ST8SIA4: variants seen among roughly 807,000 people sequenced by gnomAD.
ST8SIA4 encodes the protein CMP-N-acetylneuraminate-poly-alpha-2,8-sialyltransferase.
A neutral mutation model predicts 33.9 loss-of-function variants in ST8SIA4; 15 were observed. The observed-to-expected ratio is 0.44, with a 90% CI of 0.30 to 0.68. The LOEUF (loss-of-function observed/expected upper bound fraction) is 0.68, where lower values mean the gene tolerates loss of function less well. Among genes scored for constraint, ST8SIA4 ranks in the 30% least tolerant of loss-of-function variants. The probability of loss-of-function intolerance (pLI) is 0.10; values close to 1 mark genes in which losing one functional copy is unlikely to be tolerated. For missense variants in ST8SIA4, 321 were observed against 428.0 expected (o/e 0.75, Z 2.21); for synonymous variants, 171 against 151.2 (o/e 1.13, Z -0.96).
chr5:100,872,088 C>T (rs1752208371), intron 3 of ST8SIA4, among the ~76,000 whole-genome samples: 1 of 151,948 alleles, frequency 6.6e-6, no homozygotes, highest in African/African-American at 2.4e-5. Context: ...TTTCTCAACT[C>T]CTACATTAAT....
intron 4 of ST8SIA4, among the ~76,000 whole-genome samples, chr5:100,831,381 C>T (rs1751255848): frequency 6.6e-6 from 1 of 152,130 alleles, no homozygotes; most frequent in African/African-American, 2.4e-5. Flanking sequence ...TCAAGACAAT[C>T]TCCAAAATGT....
At chr5:100,866,047 C>G (rs1000330015) in intron 3 of ST8SIA4, among the ~76,000 whole-genome samples, 1 of 152,094 alleles carries the variant, frequency 6.6e-6, no homozygotes, top group Non-Finnish European at 1.5e-5. Context: ...GACACATGGG[C>G]CTGGCCAATA....
chr5:100,813,643 T>G (rs1391907514), intron 4 of ST8SIA4, among the ~76,000 whole-genome samples: 1 of 152,002 alleles, frequency 6.6e-6, no homozygotes, highest in Non-Finnish European at 1.5e-5. Context: ...ATAGTCAAAC[T>G]TCTTTGAAGG....
Position 100,811,168 on chromosome 5 carries a change from CA to C in ST8SIA4, c.*678del, listed in dbSNP as rs5869925. Reference sequence around the variant, plus strand: ...CTCCAGCCTGGGCAACAGAGCGAGACAAAAAAAAAAAAAAAAGTCTTTGTGT... The same window carrying C: ...CTCCAGCCTGGGCAACAGAGCGAGACAAAAAAAAAAAAAAAGTCTTTGTGT... On this transcript the variant is annotated 3_prime_UTR_variant, in exon 5 of 5. Transcript: ENST00000231461. 0.84 allele frequency: 101,717 copies of C among 120,404 alleles called. 42,388 individuals are homozygous for C. The highest frequency in any genetic ancestry group is 0.92 in the South Asian group (3,372 of 3,650). The allele number at this position is 120,404 out of a possible 1,614,324, so 7.5% of individuals were successfully genotyped here.
Position 100,903,218 on chromosome 5 carries a change from T to G in ST8SIA4, c.-263A>C. 2.2e-6 allele frequency: 1 copy of G among 462,876 alleles called. No homozygotes were observed. The highest frequency in any genetic ancestry group is 2.0e-5 in the African/African-American group (1 of 50,046). 28.7% of individuals were successfully genotyped at this position (462,876 alleles called of 1,614,324 possible). A position where few individuals can be genotyped will look rare whatever the true frequency, so the allele number is the denominator to read the frequency against. On this transcript the variant is annotated 5_prime_UTR_variant, in exon 1 of 5. Coordinates refer to ENST00000231461, the MANE Select transcript of ST8SIA4 (RefSeq NM_005668.6). ...CCGCCTCCCTGGGGCTCAGGTTTCT[T>G]TTCAGATGAGACACCTTGTGCATTG...
chr5:100,885,432 T>C, intron 3 of ST8SIA4: 1 of 937,820 alleles, frequency 1.1e-6, no homozygotes, highest in Non-Finnish European at 1.3e-6. Flanking sequence ...TTTAAGACTT[T>C]ATTTAAAAAT....
intron 3 of ST8SIA4, among the ~76,000 whole-genome samples, chr5:100,862,099 C>G (rs1751959038): frequency 6.6e-6 from 1 of 152,154 alleles, no homozygotes; most frequent in Admixed American, 6.5e-5. Flanking sequence ...TTTAGTAAGC[C>G]ATTGTGGCTG....
chr5:100,884,152 G>T (rs192062377), intron 3 of ST8SIA4, among the ~76,000 whole-genome samples: 2 of 152,190 alleles, frequency 1.3e-5, no homozygotes, highest in Non-Finnish European at 2.9e-5. Context: ...ATTGAAATTG[G>T]AGTGCATTAA....
intron 4 of ST8SIA4, among the ~76,000 whole-genome samples, chr5:100,825,789 G>C (rs903964230): frequency 3.3e-5 from 5 of 152,158 alleles, no homozygotes; most frequent in Non-Finnish European, 5.9e-5. Flanking sequence ...GTCTTAGGTA[G>C]ATATTTTTGT....
rs1449028035 is a variant in ST8SIA4, at chr5:100,837,033, G to A, written c.797+19070C>T. Among the ~76,000 whole-genome samples, 5 of 140,002 alleles carry A rather than the reference G, an allele frequency of 3.6e-5. No individual in the cohort carries two copies. The East Asian group carries it at 8.2e-4, about 23-fold the overall frequency. The allele number at this position is 140,002 out of a possible 152,430, so 91.8% of individuals were successfully genotyped here. ...ACACACACACACACACACACACACC[G>A]TAATACCTGAGGGAAATAAGATACC... On this transcript the variant is annotated intron_variant, in intron 4 of 4. Transcript: ENST00000231461.
chr5:100,836,854 TC>T (rs1248907759), intron 4 of ST8SIA4, among the ~76,000 whole-genome samples: 1 of 152,038 alleles, frequency 6.6e-6, no homozygotes, highest in African/African-American at 2.4e-5. Context: ...TTGCTACTGT[TC>T]CGTACTGACG....
intron 4 of ST8SIA4, among the ~76,000 whole-genome samples, chr5:100,841,936 T>A (rs1751479341): frequency 6.6e-6 from 1 of 151,872 alleles, no homozygotes; most frequent in South Asian, 2.1e-4. Flanking sequence ...CCAAGCTGGT[T>A]TTGTTGCTTG....
chr5:100,875,074 T>C (rs928331111), intron 3 of ST8SIA4, among the ~76,000 whole-genome samples: 4 of 152,198 alleles, frequency 2.6e-5, no homozygotes, highest in Non-Finnish European at 4.4e-5. Context: ...AGAAGTGTTA[T>C]GTAAGTTAAA....
At chr5:100,844,075 C>A (rs2112426650) in intron 4 of ST8SIA4, among the ~76,000 whole-genome samples, 1 of 151,928 alleles carries the variant, frequency 6.6e-6, no homozygotes, top group African/African-American at 2.4e-5. Flanking sequence ...AACAAATAGG[C>A]ACAATGTTAT....
At chr5:100,817,109 ATTTTTTTTTTTTTTTT>A (rs57222657) in intron 4 of ST8SIA4, among the ~76,000 whole-genome samples, 6 of 74,360 alleles carry the variant, frequency 8.1e-5, no homozygotes, top group South Asian at 1.3e-3. Context: ...CACCCAGCTA[ATTTTTTTTTTTTTTTT>A]TTTTTTTTTT....
At chr5:100,855,360 C>T (rs1298457266) in intron 4 of ST8SIA4, among the ~76,000 whole-genome samples, 1 of 152,128 alleles carries the variant, frequency 6.6e-6, no homozygotes, top group East Asian at 1.9e-4. Flanking sequence ...TCTGTCTGTA[C>T]CATAAAGCCT....
At chr5:100,868,234 T>C (rs935062129) in intron 3 of ST8SIA4, among the ~76,000 whole-genome samples, 3 of 152,068 alleles carry the variant, frequency 2.0e-5, no homozygotes, top group African/African-American at 7.2e-5. Flanking sequence ...TGTGTGCTCA[T>C]TGATAACCAA....
Position 100,871,741 on chromosome 5 carries a change from C to T in ST8SIA4, c.503+14602G>A, listed in dbSNP as rs1223260131. On this transcript the variant is annotated intron_variant, in intron 3 of 4. Coordinates refer to ENST00000231461, the MANE Select transcript of ST8SIA4 (RefSeq NM_005668.6). ...TCAAACAAGATGTCCTTTAGCATCA[C>T]TCATTATGAGTTTTGTTTTACAGTT... Among the ~76,000 whole-genome samples, 5 of 152,032 alleles carry T rather than the reference C, an allele frequency of 3.3e-5. No individual in the cohort carries two copies. In the East Asian group the frequency reaches 9.6e-4, roughly 29 times the overall value.
At position 100,869,216 on chromosome 5, in the gene ST8SIA4, A is replaced by G. The variant is rs548046843; in HGVS notation, c.504-12820T>C. ...TTATAATTACATATAACTTGAAACA[A>G]TAGGCACTGACAAGTGTATTTGTGT... is the stretch of plus-strand genomic sequence containing the variant. On this transcript the variant is annotated intron_variant, in intron 3 of 4. Transcript: ENST00000231461. Among the ~76,000 whole-genome samples the G allele has an allele frequency of 1.3e-4, 20 of 152,286 alleles. No homozygotes were observed. In the South Asian group the frequency reaches 3.3e-3, roughly 25 times the overall value.
Sources: allele counts gnomAD v4.1 joint callset (sites outside exome capture counted in the v4.1 genomes callset), GRCh38; gene constraint gnomAD v4.1.1; transcripts MANE v1.5; gene names NCBI Gene and HGNC (gene_info 2026-07-23, HGNC 2026-07-21).